The following IFT57 variants were observed in gnomAD, a reference collection of about 807,000 sequenced individuals.
The protein encoded by IFT57 is intraflagellar transport 57.
Under a neutral mutation model 56.8 loss-of-function variants are expected in IFT57, and 59 were observed. The ratio of observed to expected loss-of-function variants is 1.04; its 90% confidence interval spans 0.84 to 1.29. The LOEUF is 1.29. Ranked by LOEUF, IFT57 falls within the 50% of genes most tolerant of loss-of-function variation. IFT57 has a pLI of 0.00. For synonymous variants in IFT57, 209 were observed against 186.1 expected (o/e 1.12, Z -1.00); for missense variants, 470 against 522.1 (o/e 0.90, Z 0.97).
At chr3:108,215,435 CACCT>C (rs2080366474) in intron 3 of IFT57, among the ~76,000 whole-genome samples, 1 of 151,984 alleles carries the variant, frequency 6.6e-6, no homozygotes, top group African/African-American at 2.4e-5. Flanking sequence ...TGGTGGTGTG[CACCT>C]GTAGTCCCAG....
intron 6 of IFT57, among the ~76,000 whole-genome samples, chr3:108,189,468 G>T (rs530055815): frequency 6.6e-4 from 100 of 152,142 alleles, no homozygotes; most frequent in South Asian, 1.5e-3. Context: ...AGATTTTTTG[G>T]TTTTTTTGGT....
chr3:108,161,835 A>G lies in IFT57; in HGVS notation c.*642T>C, dbSNP rs2080034127. The G allele has an allele frequency of 6.6e-6, 1 of 152,206 alleles. No homozygotes were observed. Among genetic ancestry groups the G allele is most frequent in the Admixed American group, 6.6e-5 (1 of 15,262 alleles). The allele number at this position is 152,206 out of a possible 1,614,324, so 9.4% of individuals were successfully genotyped here. On this transcript the variant is annotated 3_prime_UTR_variant, in exon 11 of 11. Coordinates refer to ENST00000264538, the MANE Select transcript of IFT57 (RefSeq NM_018010.4). ...CTTCATTCTAAGAACAGAGTCAAACATGAGTGACTGACTTATCATCATTCA... is the reference window on the plus strand; with the variant it reads ...CTTCATTCTAAGAACAGAGTCAAACGTGAGTGACTGACTTATCATCATTCA...
chr3:108,177,752 C>T (rs2080131723), intron 6 of IFT57, among the ~76,000 whole-genome samples: 1 of 151,732 alleles, frequency 6.6e-6, no homozygotes, highest in Admixed American at 6.6e-5. Context: ...AAGATAATAT[C>T]ATACTTAATG....
intron 4 of IFT57, among the ~76,000 whole-genome samples, chr3:108,210,332 C>CTTTTT (rs35896793): frequency 1.5e-4 from 16 of 107,986 alleles, no homozygotes; most frequent in African/African-American, 3.2e-4. Flanking sequence ...CAGAAATAAT[C>CTTTTT]TTTTTTTTTT....
intron 4 of IFT57, among the ~76,000 whole-genome samples, chr3:108,208,182 A>T (rs1010388265): frequency 6.6e-6 from 1 of 152,218 alleles, no homozygotes; most frequent in African/African-American, 2.4e-5. Flanking sequence ...CACTCAAGTG[A>T]CATTTACTTT....
intron 6 of IFT57, among the ~76,000 whole-genome samples, chr3:108,190,985 G>A (rs1271727858): frequency 6.6e-6 from 1 of 152,070 alleles, no homozygotes; most frequent in Non-Finnish European, 1.5e-5. Context: ...TAGAGACGGG[G>A]TTTCACTGCA....
At chr3:108,176,214 T>C (rs1454305510) in intron 6 of IFT57, among the ~76,000 whole-genome samples, 2 of 151,878 alleles carry the variant, frequency 1.3e-5, no homozygotes, top group Non-Finnish European at 2.9e-5. Context: ...CAAGGGCGCT[T>C]ACGGCTCCAT....
intron 5 of IFT57, among the ~76,000 whole-genome samples, chr3:108,206,241 T>A (rs540864675): frequency 6.6e-6 from 1 of 150,574 alleles, no homozygotes; most frequent in East Asian, 1.9e-4. Context: ...CCAGTCTTAA[T>A]CCATTTTATT....
At chr3:108,220,914 A>C (rs561851653) in intron 1 of IFT57, among the ~76,000 whole-genome samples, 2 of 152,340 alleles carry the variant, frequency 1.3e-5, no homozygotes, top group East Asian at 3.9e-4. Context: ...AGTGCAAGAG[A>C]TGACATCAAC....
chr3:108,185,646 C>T (rs375701561), intron 6 of IFT57, among the ~76,000 whole-genome samples: 2 of 151,240 alleles, frequency 1.3e-5, no homozygotes, highest in East Asian at 3.9e-4. Flanking sequence ...GCAACCTCCC[C>T]CTCCTGGATT....
At chr3:108,175,973 G>A (rs958694973) in intron 6 of IFT57, among the ~76,000 whole-genome samples, 3 of 151,612 alleles carry the variant, frequency 2.0e-5, no homozygotes, top group Admixed American at 1.3e-4. Flanking sequence ...AGGTCTATTC[G>A]CACTTTTTGC....
intron 10 of IFT57, 42 bp from the exon 11 acceptor site, chr3:108,162,697 A>G: frequency 1.4e-6 from 2 of 1,475,248 alleles, no homozygotes; most frequent in Non-Finnish European, 9.2e-7. Context: ...GTTCATTTGG[A>G]GTATCAGTGT....
chr3:108,188,799 AAG>A (rs2108316631), intron 6 of IFT57, among the ~76,000 whole-genome samples: 1 of 152,282 alleles, frequency 6.6e-6, no homozygotes, highest in African/African-American at 2.4e-5. Context: ...AGTTTTGTAA[AAG>A]AGTGTGTGTT....
intron 5 of IFT57, among the ~76,000 whole-genome samples, chr3:108,206,016 ATAATATATTG>A: frequency 8.3e-6 from 1 of 119,796 alleles, no homozygotes; most frequent in East Asian, 2.2e-4. Context: ...TTACTTATAT[ATAATATATTG>A]TATATTATTT....
rs115547965 is a variant in IFT57, at chr3:108,219,425, G to C, written c.360C>G (p.Ser120=). The part of the protein sequence containing the change: ...DPNATISNIL[S]ELRSFGRTAD... ...TTACACTTACAAATGACCGAAGCTC[G>C]GATAGTATGTTAGATATTGTTGCAT... Residue 120 remains serine, a synonymous_variant, in exon 2 of 11, where the codon TCC becomes TCG. Transcript: ENST00000264538. 2.6e-4 allele frequency: 414 copies of C among 1,613,416 alleles called. 2 individuals carry two copies. In the East Asian group the frequency reaches 8.7e-3, roughly 34 times the overall value.
In IFT57 at chr3:108,166,951, C is replaced by T; in HGVS notation, c.884G>A (p.Arg295Lys). ...TCGGCTGCTGATCTTTTCCAAAGTC[C>T]TAGTAATTTCATTATGGAGTTTGTC... ...FLDKLHNEIT[R>K]TLEKISSREK... Residue 295 changes from arginine (R) to lysine (K), a missense_variant, in exon 8 of 11, where the codon AGG becomes AAG. Physicochemically the swap from Arg to Lys is conservative, Grantham distance 26. Transcript: ENST00000264538. 9 of 1,610,124 alleles carry T rather than the reference C, an allele frequency of 5.6e-6. No homozygotes were observed. Among genetic ancestry groups the T allele is most frequent in the Non-Finnish European group, 7.6e-6 (9 of 1,177,952 alleles).
At chr3:108,186,600 T>C (rs1027450805) in intron 6 of IFT57, among the ~76,000 whole-genome samples, 9 of 152,078 alleles carry the variant, frequency 5.9e-5, no homozygotes, top group Non-Finnish European at 1.3e-4. Context: ...TAAACCAAAT[T>C]GCGGAAGAAT....
At chr3:108,172,982 C>A (rs2080102600) in intron 6 of IFT57, among the ~76,000 whole-genome samples, 1 of 151,644 alleles carries the variant, frequency 6.6e-6, no homozygotes, top group African/African-American at 2.4e-5. Flanking sequence ...TGGACACATG[C>A]CTGATATAAA....
Position 108,218,834 on chromosome 3 carries a change from A to T in IFT57, c.376-181T>A, listed in dbSNP as rs867317426. 3.9e-5 allele frequency among the ~76,000 whole-genome samples: 6 copies of T among 152,350 alleles called. No individual in the cohort carries two copies. In the South Asian group the frequency reaches 1.2e-3, roughly 32 times the overall value. On this transcript the variant is annotated intron_variant, in intron 2 of 10. Coordinates refer to ENST00000264538, the MANE Select transcript of IFT57 (RefSeq NM_018010.4). ...CTTTGTAACCCATTGATACATAAAA[A>T]TACTCAAAGACTTTTATTGTTAAAA...
Sources: gnomAD v4.1 joint callset for allele counts (sites outside exome capture counted in the v4.1 genomes callset) on GRCh38, gnomAD v4.1.1 for gene constraint, MANE v1.5 for transcripts, NCBI Gene and HGNC (gene_info 2026-07-23, HGNC 2026-07-21) for gene names.